Variants in MINAR1 observed in about 807,000 individuals in gnomAD.
The protein encoded by MINAR1 is membrane integral NOTCH2 associated receptor 1.
In MINAR1, 40 loss-of-function variants were observed where a neutral mutation model predicts 65.1. The ratio of observed to expected loss-of-function variants is 0.61; its 90% CI spans 0.48 to 0.80. The LOEUF (loss-of-function observed/expected upper bound fraction) is 0.80, where lower values mean the gene tolerates loss of function less well. MINAR1 is among the 30% of genes least tolerant of loss of function. The pLI, the probability that MINAR1 is intolerant of heterozygous loss-of-function variation, is 0.00. For synonymous variants in MINAR1, 482 were observed against 449.1 expected (o/e 1.07, Z -0.93); for missense variants, 1,128 against 1,148.0 (o/e 0.98, Z 0.25).
At chr15:79,423,450 A>C in the MINAR1 span, 1 of 152,226 alleles carries the variant, frequency 6.6e-6, no homozygotes, top group Non-Finnish European at 1.5e-5. Flanking sequence ...ATTTTATACC[A>C]TTGTATTATT....
At chr15:79,461,282 T>C (rs1895632756) in intron 2 of MINAR1, among the ~76,000 whole-genome samples, 2 of 150,002 alleles carry the variant, frequency 1.3e-5, no homozygotes, top group Admixed American at 6.6e-5. Flanking sequence ...GTCAGTCTCT[T>C]AACCTGAGTT....
rs566201238 is a variant in MINAR1, at chr15:79,447,608, G to A, written c.-50-8490G>A. Among the ~76,000 whole-genome samples, 3 of 152,060 alleles carry A rather than the reference G, an allele frequency of 2.0e-5. No individual in the cohort carries two copies. The South Asian group carries it at 6.3e-4, about 32-fold the overall frequency. ...TAAGGTGGATTCTTTTCTCTGTGGT[G>A]CTCCTATGCACCTTTGATTGTCTTG... On this transcript the variant is annotated intron_variant, in intron 1 of 3. Coordinates refer to ENST00000305428, the MANE Select transcript of MINAR1 (RefSeq NM_015206.3).
At chr15:79,412,508 TCAGA>T in the MINAR1 span, 3 of 152,308 alleles carry the variant, frequency 2.0e-5, no homozygotes, top group Non-Finnish European at 2.9e-5. Flanking sequence ...CTGCAAAAAC[TCAGA>T]CAGAGGGTGC....
rs1410644954 is a variant in MINAR1, at chr15:79,469,522, T to C, written c.*1138T>C. 1 of 152,500 alleles carries C rather than the reference T, an allele frequency of 6.6e-6. No individual in the cohort carries two copies. Among genetic ancestry groups the C allele is most frequent in the Non-Finnish European group, 1.5e-5 (1 of 68,040 alleles). The allele number at this position is 152,500 out of a possible 1,614,324, so 9.4% of individuals were successfully genotyped here. A position where few individuals can be genotyped will look rare whatever the true frequency, so the allele number is the denominator to read the frequency against. ...AGCAGTGCAAAAAATATTATCTGTTTAACCACTTATCTATATGTCTATCTA... is the reference window on the plus strand; with the variant it reads ...AGCAGTGCAAAAAATATTATCTGTTCAACCACTTATCTATATGTCTATCTA... On this transcript the variant is annotated 3_prime_UTR_variant, in exon 4 of 4. Coordinates refer to ENST00000305428, the MANE Select transcript of MINAR1 (RefSeq NM_015206.3).
intron 1 of MINAR1, among the ~76,000 whole-genome samples, chr15:79,443,952 C>A (rs987966813): frequency 6.6e-6 from 1 of 152,172 alleles, no homozygotes; most frequent in African/African-American, 2.4e-5. Context: ...ATTCAGCAAT[C>A]CTTGGTGTTA....
At chr15:79,458,498 G>C in intron 2 of MINAR1, 53 bp downstream of exon 2, 1 of 1,567,552 alleles carries the variant, frequency 6.4e-7, no homozygotes, top group Non-Finnish European at 8.6e-7. Context: ...CATAGCCCTG[G>C]TGTATTTCAA....
intron 3 of MINAR1, among the ~76,000 whole-genome samples, chr15:79,465,381 TGAG>T (rs1169843787): frequency 1.3e-5 from 2 of 152,312 alleles, no homozygotes; most frequent in South Asian, 2.1e-4. Flanking sequence ...GGTGCCCACT[TGAG>T]GGCGTAGGCA....
At chr15:79,432,606 GTT>G (rs1894477027) in intron 1 of MINAR1, 66 bp downstream of exon 1, 1 of 152,376 alleles carries the variant, frequency 6.6e-6, no homozygotes. Context: ...GTGTGTGTGT[GTT>G]CGCGGTGTGC....
chr15:79,463,805 A>C (rs374389622), intron 3 of MINAR1: 2 of 452,466 alleles, frequency 4.4e-6, no homozygotes, highest in African/African-American at 4.0e-5. Flanking sequence ...TTGTGGCTGG[A>C]GGGCATGTTT....
intron 1 of MINAR1, among the ~76,000 whole-genome samples, chr15:79,436,323 G>C (rs1434993149): frequency 6.6e-6 from 1 of 152,220 alleles, no homozygotes; most frequent in East Asian, 1.9e-4. Context: ...GCTTCATGGG[G>C]ATCAGGACCT....
At position 79,456,879 on chromosome 15, in the gene MINAR1, TGAG is replaced by T. The variant is rs754369325; in HGVS notation, c.736_738del (p.Glu246del). The T allele has an allele frequency of 5.0e-6, 8 of 1,614,042 alleles. No individual in the cohort carries two copies. In the African/African-American group the frequency reaches 8.0e-5, roughly 16 times the overall value. On this transcript the variant is annotated inframe_deletion, in exon 2 of 4. Transcript: ENST00000305428. ...GCATCAAGGAGACCTTCATTTCCAATGAGGAGCCATTTGTGGTCCAGTCCTGTG... is the reference window on the plus strand; with the variant it reads ...GCATCAAGGAGACCTTCATTTCCAATGAGCCATTTGTGGTCCAGTCCTGTG...
In MINAR1 at chr15:79,469,901, T is replaced by G. The variant is rs1283470571; in HGVS notation, c.*1517T>G. ...TCTAAAAGATTTGAGAGCATCTCAA[T>G]TTTTAAAGCAATAGGAGTCTAGCAT... On this transcript the variant is annotated 3_prime_UTR_variant, in exon 4 of 4. Transcript: ENST00000305428. 7.2e-5 allele frequency: 11 copies of G among 152,678 alleles called. No individual in the cohort carries two copies. The highest frequency in any genetic ancestry group is 7.2e-4 in the Admixed American group (11 of 15,292). The allele number at this position is 152,678 out of a possible 1,614,324, so 9.5% of individuals were successfully genotyped here.
At chr15:79,437,735 G>A (rs1195236496) in intron 1 of MINAR1, among the ~76,000 whole-genome samples, 3 of 99,302 alleles carry the variant, frequency 3.0e-5, no homozygotes, top group Non-Finnish European at 4.3e-5. Context: ...GAGTGTGTGG[G>A]GTGTGGGTGT....
the MINAR1 span, chr15:79,413,614 C>G: frequency 6.6e-6 from 1 of 152,210 alleles, no homozygotes; most frequent in Non-Finnish European, 1.5e-5. Context: ...TTCATTTGAA[C>G]ATAGATCATG....
chr15:79,441,951 A>G (rs1894881487), intron 1 of MINAR1, among the ~76,000 whole-genome samples: 2 of 150,972 alleles, frequency 1.3e-5, no homozygotes, highest in Admixed American at 1.3e-4. Flanking sequence ...TAAATTAACC[A>G]TTTGTTTCTT....
At position 79,457,295 on chromosome 15, in the gene MINAR1, T is replaced by A. The variant is rs1213764993; in HGVS notation, c.1148T>A (p.Phe383Tyr). 1 of 1,614,154 alleles carries A rather than the reference T, an allele frequency of 6.2e-7. No homozygotes were observed. Among genetic ancestry groups the A allele is most frequent in the Non-Finnish European group, 8.5e-7 (1 of 1,180,042 alleles). ...GAAGTTCCTGACTTTGAACGGTCCTTTTTCAATAGAAATCCCTCCGAGGAG... is the reference window on the plus strand; with the variant it reads ...GAAGTTCCTGACTTTGAACGGTCCTATTTCAATAGAAATCCCTCCGAGGAG... ...TEEVPDFERS[F>Y]FNRNPSEEKL... is the part of the protein sequence containing the mutation. Residue 383 changes from phenylalanine (F) to tyrosine (Y), a missense_variant, in exon 2 of 4, where the codon TTT becomes TAT. Phe to Tyr is a conservative substitution (Grantham distance 22, BLOSUM62 3). Coordinates refer to ENST00000305428, the MANE Select transcript of MINAR1 (RefSeq NM_015206.3).
At chr15:79,462,644 T>C (rs774900500) in intron 2 of MINAR1, among the ~76,000 whole-genome samples, 1 of 152,080 alleles carries the variant, frequency 6.6e-6, no homozygotes, top group Non-Finnish European at 1.5e-5. Flanking sequence ...CCGTGCAAAA[T>C]GGTGAAAGAA....
At position 79,437,260 on chromosome 15, in the gene MINAR1, A is replaced by T. The variant is rs150615640; in HGVS notation, c.-51+4720A>T. Among the ~76,000 whole-genome samples, 108 of 152,264 alleles carry T rather than the reference A, an allele frequency of 7.1e-4. 1 individual carries two copies. The East Asian group carries it at 0.019, about 27-fold the overall frequency. Reference sequence around the variant, plus strand: ...AGCCATGGAAGTTGAAGAAGATGAAAGTCTTTTGGCTACGTGAGTGCAGAA... The same window carrying T: ...AGCCATGGAAGTTGAAGAAGATGAATGTCTTTTGGCTACGTGAGTGCAGAA... On this transcript the variant is annotated intron_variant, in intron 1 of 3. Transcript: ENST00000305428.
At position 79,463,627 on chromosome 15, in the gene MINAR1, T is replaced by C. The variant is rs943578389; in HGVS notation, c.2553+306T>C. On this transcript the variant is annotated intron_variant, in intron 3 of 3. Coordinates refer to ENST00000305428, the MANE Select transcript of MINAR1 (RefSeq NM_015206.3). ...ACTCTGTACCAAGTGCAGATTCTAA[T>C]ATTTGCTCACAAGACCTGAGCCAAA... is the stretch of plus-strand genomic sequence containing the variant. The C allele has an allele frequency of 5.6e-5, 33 of 585,454 alleles. No individual in the cohort carries two copies. In the Middle Eastern group the frequency reaches 1.0e-3, roughly 18 times the overall value. 36.3% of individuals were successfully genotyped at this position (585,454 alleles called of 1,614,324 possible).
Sources: allele counts gnomAD v4.1 joint callset (sites outside exome capture counted in the v4.1 genomes callset), GRCh38; gene constraint gnomAD v4.1.1; transcripts MANE v1.5; gene names NCBI Gene and HGNC (gene_info 2026-07-23, HGNC 2026-07-21).